Variants in ADAM12 observed in about 807,000 individuals in gnomAD.
The protein encoded by ADAM12 is disintegrin and metalloproteinase domain-containing protein 12.
ADAM12 carries 70 observed loss-of-function variants against 106.4 expected under a neutral mutation model. The ratio of observed to expected loss-of-function variants is 0.66; its 90% CI spans 0.54 to 0.80. ADAM12 has a LOEUF of 0.80. Ranked by LOEUF, ADAM12 falls within the 30% of genes least tolerant of loss-of-function variation. The pLI, the probability that ADAM12 is intolerant of heterozygous loss-of-function variation, is 0.00. For synonymous variants in ADAM12, 420 were observed against 433.5 expected (o/e 0.97, Z 0.39); for missense variants, 1,010 against 1,171.9 (o/e 0.86, Z 2.02).
intron 3 of ADAM12, among the ~76,000 whole-genome samples, chr10:126,253,681 T>A (rs1280104531): frequency 6.6e-6 from 1 of 151,850 alleles, no homozygotes; most frequent in South Asian, 2.1e-4. Context: ...CTTGAGCAGA[T>A]CTTTGTGGGT....
chr10:126,207,137 C>T (rs1286793592), intron 3 of ADAM12, among the ~76,000 whole-genome samples: 2 of 152,066 alleles, frequency 1.3e-5, no homozygotes, highest in Admixed American at 6.6e-5. Context: ...AGCATGAAAA[C>T]GGACTAACAC....
At chr10:126,312,143 A>C (rs916792880) in intron 2 of ADAM12, among the ~76,000 whole-genome samples, 1 of 151,728 alleles carries the variant, frequency 6.6e-6, no homozygotes, top group African/African-American at 2.4e-5. Flanking sequence ...AAAAAAAAAA[A>C]AAAAAAAAAC....
chr10:126,098,201 T>C (rs1469094403), intron 10 of ADAM12, among the ~76,000 whole-genome samples: 1 of 152,252 alleles, frequency 6.6e-6, no homozygotes, highest in Non-Finnish European at 1.5e-5. Context: ...TGCTGAGCTA[T>C]TTTACATGCC....
chr10:126,369,684 G>A (rs559338621), intron 1 of ADAM12, among the ~76,000 whole-genome samples: 2 of 152,182 alleles, frequency 1.3e-5, no homozygotes, highest in Admixed American at 6.5e-5. Context: ...TGTACATAGT[G>A]AGTGGACACC....
At chr10:126,085,866 C>T (rs1955329303) in intron 11 of ADAM12, among the ~76,000 whole-genome samples, 1 of 152,198 alleles carries the variant, frequency 6.6e-6, no homozygotes, top group South Asian at 2.1e-4. Flanking sequence ...CAGCAATAAA[C>T]AAAACACAAA....
In ADAM12 at chr10:126,077,101, C is replaced by T. The variant is rs371295295; in HGVS notation, c.1146-5447G>A. ...TACAAAAACCAGTAGCATTTCTCTA[C>T]ACCAATAATGTTCTAGCTGAGAACA... is the stretch of plus-strand genomic sequence containing the variant. On this transcript the variant is annotated intron_variant, in intron 11 of 22. Coordinates refer to ENST00000448723, the MANE Select transcript of ADAM12 (RefSeq NM_001288973.2). 1.6e-4 allele frequency among the ~76,000 whole-genome samples: 25 copies of T among 152,282 alleles called. No individual in the cohort carries two copies. In the South Asian group the frequency reaches 2.7e-3, roughly 16 times the overall value.
chr10:126,272,064 C>T (rs1959180066), intron 3 of ADAM12, among the ~76,000 whole-genome samples: 1 of 152,186 alleles, frequency 6.6e-6, no homozygotes, highest in Non-Finnish European at 1.5e-5. Context: ...ATTTTCCCTC[C>T]CCAGACCAGG....
intron 16 of ADAM12, among the ~76,000 whole-genome samples, chr10:126,047,874 A>G (rs1407929467): frequency 2.0e-5 from 3 of 152,244 alleles, no homozygotes; most frequent in Non-Finnish European, 4.4e-5. Context: ...TCACAATAGC[A>G]AAGACATGGA....
At chr10:126,319,619 C>T (rs993007547) in intron 2 of ADAM12, among the ~76,000 whole-genome samples, 2 of 152,028 alleles carry the variant, frequency 1.3e-5, no homozygotes, top group African/African-American at 2.4e-5. Context: ...ACACTGAACA[C>T]GATATAATGT....
chr10:126,359,638 T>A (rs1371538557), intron 1 of ADAM12, among the ~76,000 whole-genome samples: 1 of 152,188 alleles, frequency 6.6e-6, no homozygotes, highest in Non-Finnish European at 1.5e-5. Context: ...CTTGAGCAGC[T>A]CCACCCCTGT....
At chr10:126,242,898 T>A (rs1249051530) in intron 3 of ADAM12, among the ~76,000 whole-genome samples, 2 of 152,098 alleles carry the variant, frequency 1.3e-5, no homozygotes, top group Non-Finnish European at 2.9e-5. Flanking sequence ...TATGATCTCG[T>A]ATAAGAGATT....
At chr10:126,372,578 C>T (rs1856148947) in intron 1 of ADAM12, among the ~76,000 whole-genome samples, 2 of 152,146 alleles carry the variant, frequency 1.3e-5, no homozygotes, top group African/African-American at 4.8e-5. Context: ...ACTCTTGACC[C>T]ACTAAATCCA....
chr10:126,264,058 T>C (rs1297213837), intron 3 of ADAM12, among the ~76,000 whole-genome samples: 3 of 152,250 alleles, frequency 2.0e-5, no homozygotes, highest in Non-Finnish European at 1.5e-5. Flanking sequence ...TTTTTTCATT[T>C]AACCAACCTA....
chr10:126,315,488 T>C (rs925563310), intron 2 of ADAM12, among the ~76,000 whole-genome samples: 4 of 152,316 alleles, frequency 2.6e-5, no homozygotes, highest in Middle Eastern at 3.4e-3. Context: ...CTTATAACCC[T>C]GTCTGGGCAA....
intron 3 of ADAM12, among the ~76,000 whole-genome samples, chr10:126,218,288 AG>A (rs1958026583): frequency 6.6e-6 from 1 of 152,188 alleles, no homozygotes; most frequent in Non-Finnish European, 1.5e-5. Flanking sequence ...GGGCCATCAC[AG>A]GTAAACATGG....
chr10:126,278,809 T>G, intron 3 of ADAM12, 106 bp downstream of exon 3: 1 of 752,098 alleles, frequency 1.3e-6, no homozygotes, highest in Non-Finnish European at 2.1e-6. Flanking sequence ...TACAAATCCA[T>G]GCATTTCGTT....
intron 21 of ADAM12, among the ~76,000 whole-genome samples, chr10:126,035,166 A>G (rs186647057): frequency 6.6e-6 from 1 of 151,900 alleles, no homozygotes; most frequent in East Asian, 1.9e-4. Context: ...CATGGTGAGA[A>G]AGACAATAAC....
intron 1 of ADAM12, among the ~76,000 whole-genome samples, chr10:126,379,646 A>T (rs1856421735): frequency 6.6e-6 from 1 of 152,154 alleles, no homozygotes; most frequent in East Asian, 1.9e-4. Flanking sequence ...ATACCTATGT[A>T]ACAAAACTGC....
chr10:126,175,036 A>G (rs938984376), intron 3 of ADAM12, among the ~76,000 whole-genome samples: 1 of 152,172 alleles, frequency 6.6e-6, no homozygotes, highest in South Asian at 2.1e-4. Flanking sequence ...GATTACAGGC[A>G]TGAGCCACCG....
Sources: gnomAD v4.1 joint callset for allele counts (sites outside exome capture counted in the v4.1 genomes callset) on GRCh38, gnomAD v4.1.1 for gene constraint, MANE v1.5 for transcripts, NCBI Gene and HGNC (gene_info 2026-07-23, HGNC 2026-07-21) for gene names.